Variants in ARHGAP21 observed in about 807,000 individuals in gnomAD.
ARHGAP21 encodes the protein rho GTPase-activating protein 21.
ARHGAP21 carries 38 observed loss-of-function variants against 164.6 expected under a neutral mutation model. That is an observed-to-expected ratio of 0.23 (90% CI 0.18 to 0.30). The LOEUF is 0.30. Ranked by LOEUF, ARHGAP21 falls within the 10% of genes least tolerant of loss-of-function variation. The pLI, the probability that ARHGAP21 is intolerant of heterozygous loss-of-function variation, is 1.00. For synonymous variants in ARHGAP21, 766 were observed against 857.9 expected, an observed-to-expected ratio of 0.89 and a Z score of 1.87; for missense variants, 1,822 against 2,370.7, an observed-to-expected ratio of 0.77 and a Z score of 4.81.
intron 4 of ARHGAP21, among the ~76,000 whole-genome samples, chr10:24,638,321 A>G (rs935769283): frequency 1.3e-5 from 2 of 152,104 alleles, no homozygotes; most frequent in Non-Finnish European, 2.9e-5. Flanking sequence ...ATTTCTATAC[A>G]CCTTGACTCT....
rs565221081 is a variant in ARHGAP21 at position 24,670,145 on chromosome 10, A to G, written c.243+73T>C. The G allele has an allele frequency of 8.5e-5, 91 of 1,065,230 alleles. No homozygotes were observed. The African/African-American group carries it at 1.4e-3, about 17-fold the overall frequency. 66.0% of individuals were successfully genotyped at this position (1,065,230 alleles called of 1,614,324 possible). ...CAGAAAAAAGGCCATAGGGAAGGGTAAGAGGAAGACTAGAAGGGGATAGGA... is the reference window on the plus strand; with the variant it reads ...CAGAAAAAAGGCCATAGGGAAGGGTGAGAGGAAGACTAGAAGGGGATAGGA... On this transcript the variant is annotated intron_variant, in intron 3 of 25. Transcript: ENST00000396432.
rs1564969886 is a variant in ARHGAP21, at chr10:24,596,059, TAAAC to T, written c.3478-20_3478-17del. The T allele has an allele frequency of 3.2e-6, 5 of 1,572,782 alleles. No homozygotes were observed. The highest frequency in any genetic ancestry group is 3.5e-6 in the Non-Finnish European group (4 of 1,156,602). ...ATGGAATATACTGCAAAACAAGAAATAAACATTTTATTTAATGCAGCACAAATGT... is the reference window on the plus strand; with the variant it reads ...ATGGAATATACTGCAAAACAAGAAATATTTTATTTAATGCAGCACAAATGT... On this transcript the variant is annotated splice_polypyrimidine_tract_variant and intron_variant, in intron 17 of 25. Coordinates refer to ENST00000396432, the MANE Select transcript of ARHGAP21 (RefSeq NM_020824.4).
chr10:24,604,460 T>C, intron 11 of ARHGAP21, 112 bp from the exon 12 acceptor site: 1 of 667,414 alleles, frequency 1.5e-6, no homozygotes, highest in Non-Finnish European at 2.4e-6. Context: ...TGACATTTCA[T>C]CATTATCATG....
chr10:24,660,874 C>T (rs1455353261), intron 4 of ARHGAP21, among the ~76,000 whole-genome samples: 3 of 152,104 alleles, frequency 2.0e-5, no homozygotes, highest in Non-Finnish European at 4.4e-5. Context: ...CGGAAGAGCT[C>T]TGCTCATCAG....
chr10:24,685,728 T>C (rs1305882881), intron 2 of ARHGAP21, among the ~76,000 whole-genome samples: 1 of 151,932 alleles, frequency 6.6e-6, no homozygotes, highest in Non-Finnish European at 1.5e-5. Context: ...ATACAAAAAT[T>C]TGTCAGGCAT....
chr10:24,685,894 C>G (rs958893026), intron 2 of ARHGAP21, among the ~76,000 whole-genome samples: 1 of 152,056 alleles, frequency 6.6e-6, no homozygotes, highest in African/African-American at 2.4e-5. Flanking sequence ...GGAGAGGACA[C>G]TGAAGAAAAG....
At position 24,592,180 on chromosome 10, in the gene ARHGAP21, T is replaced by TTC. The variant is rs1214553998; in HGVS notation, c.3877-170_3877-169dup. Among the ~76,000 whole-genome samples the TTC allele has an allele frequency of 3.8e-5, 5 of 130,644 alleles. No individual in the cohort carries two copies. In the East Asian group the frequency reaches 8.4e-4, roughly 22 times the overall value. 85.7% of individuals were successfully genotyped at this position (130,644 alleles called of 152,430 possible). ...GATTTTTTTTTTTTTTTTTTTTTTT[T>TTC]TCTGAGACAGGGTCTCACGTTCACC... is the stretch of plus-strand genomic sequence containing the variant. On this transcript the variant is annotated intron_variant, in intron 21 of 25. Transcript: ENST00000396432.
chr10:24,602,459 C>T (rs2076852738), intron 12 of ARHGAP21, among the ~76,000 whole-genome samples: 1 of 152,050 alleles, frequency 6.6e-6, no homozygotes, highest in Non-Finnish European at 1.5e-5. Context: ...GGTGGCAGGG[C>T]TACTCTGAAG....
At chr10:24,696,186 G>T (rs1843156532) in intron 2 of ARHGAP21, among the ~76,000 whole-genome samples, 1 of 152,178 alleles carries the variant, frequency 6.6e-6, no homozygotes, top group African/African-American at 2.4e-5. Context: ...GGGCCCTATG[G>T]GCGCCCTAGC....
chr10:24,722,300 A>C (rs1052665244), intron 1 of ARHGAP21, 21 bp from the exon 2 acceptor site: 4 of 205,724 alleles, frequency 1.9e-5, no homozygotes, highest in African/African-American at 9.0e-5. Flanking sequence ...GAGAAGTTAA[A>C]GGTCATGAAC....
In ARHGAP21 at chr10:24,596,203, C is replaced by T. The variant is rs865884886; in HGVS notation, c.3478-160G>A. ...TAGATCTGGGAATAGATAAAACCTG[C>T]AAGAGATATTTGAGACAGTAAGAAG... On this transcript the variant is annotated intron_variant, in intron 17 of 25. Transcript: ENST00000396432. 8.4e-6 allele frequency: 5 copies of T among 594,498 alleles called. No homozygotes were observed. The Middle Eastern group carries it at 1.2e-3, about 147-fold the overall frequency. 36.8% of individuals were successfully genotyped at this position (594,498 alleles called of 1,614,324 possible).
intron 13 of ARHGAP21, among the ~76,000 whole-genome samples, chr10:24,601,748 A>C (rs1192936448): frequency 6.6e-6 from 1 of 152,200 alleles, no homozygotes; most frequent in Non-Finnish European, 1.5e-5. Flanking sequence ...AAAACGTAAG[A>C]CAATATATTC....
chr10:24,626,671 C>A (rs1468758929), intron 7 of ARHGAP21, among the ~76,000 whole-genome samples: 2 of 152,012 alleles, frequency 1.3e-5, no homozygotes, highest in African/African-American at 4.8e-5. Flanking sequence ...GTTTAGGTGA[C>A]CAGACTGGTG....
intron 2 of ARHGAP21, among the ~76,000 whole-genome samples, chr10:24,675,313 A>AGAG (rs1555001901): frequency 6.6e-6 from 1 of 152,202 alleles, no homozygotes; most frequent in African/African-American, 2.4e-5. Flanking sequence ...TCAAAGAAGA[A>AGAG]GAGGAGGAGG....
At chr10:24,682,205 T>A (rs1593272466) in intron 2 of ARHGAP21, among the ~76,000 whole-genome samples, 1 of 151,966 alleles carries the variant, frequency 6.6e-6, no homozygotes, top group East Asian at 1.9e-4. Context: ...GGGAAAACAG[T>A]ATATAAAATA....
At chr10:24,661,749 A>G (rs1839711904) in intron 4 of ARHGAP21, among the ~76,000 whole-genome samples, 1 of 152,230 alleles carries the variant, frequency 6.6e-6, no homozygotes, top group African/African-American at 2.4e-5. Flanking sequence ...AAAAATCATA[A>G]CATTCTGTTG....
chr10:24,653,023 CA>C (rs1195486031), intron 4 of ARHGAP21, among the ~76,000 whole-genome samples: 2 of 152,108 alleles, frequency 1.3e-5, no homozygotes, highest in Non-Finnish European at 2.9e-5. Flanking sequence ...TGTCAATTAA[CA>C]GTAGATTGGA....
At chr10:24,673,594 G>A (rs577298728) in intron 2 of ARHGAP21, among the ~76,000 whole-genome samples, 1 of 152,356 alleles carries the variant, frequency 6.6e-6, no homozygotes, top group Non-Finnish European at 1.5e-5. Context: ...GGCCGTGGTG[G>A]CTCACGCCTG....
chr10:24,655,018 G>T (rs2131589527), intron 4 of ARHGAP21, among the ~76,000 whole-genome samples: 1 of 152,328 alleles, frequency 6.6e-6, no homozygotes, highest in Admixed American at 6.5e-5. Flanking sequence ...AAGAAATGGG[G>T]AAAGGATTCC....
Sources: gnomAD v4.1 joint callset for allele counts (sites outside exome capture counted in the v4.1 genomes callset) on GRCh38, gnomAD v4.1.1 for gene constraint, MANE v1.5 for transcripts, NCBI Gene and HGNC (gene_info 2026-07-23, HGNC 2026-07-21) for gene names.